KALRN: variants seen among roughly 807,000 people sequenced by gnomAD.
KALRN encodes kalirin RhoGEF kinase.
KALRN carries 70 observed loss-of-function variants against 353.7 expected under a neutral mutation model. The ratio of observed to expected loss-of-function variants is 0.20; its 90% CI spans 0.16 to 0.24. KALRN has a LOEUF of 0.24. Ranked by LOEUF, KALRN falls within the 10% of genes least tolerant of loss-of-function variation. The pLI is 1.00. For missense variants in KALRN, 2,791 were observed against 3,756.7 expected (o/e 0.74, Z 6.72); for synonymous variants, 1,391 against 1,434.8 (o/e 0.97, Z 0.69).
intron 1 of KALRN, chr3:124,163,989 C>T (rs1021107644): frequency 4.1e-6 from 4 of 985,328 alleles, no homozygotes; most frequent in Non-Finnish European, 4.8e-6. Flanking sequence ...TTCAGAGTAG[C>T]AAGAAGCATT....
intron 5 of KALRN, among the ~76,000 whole-genome samples, chr3:124,273,984 C>T (rs1192003688): frequency 6.6e-6 from 1 of 152,182 alleles, no homozygotes; most frequent in Non-Finnish European, 1.5e-5. Flanking sequence ...AAGGTGTCTG[C>T]CCTGCAAACA....
intron 11 of KALRN, among the ~76,000 whole-genome samples, chr3:124,389,668 C>A (rs978432358): frequency 1.3e-5 from 2 of 151,986 alleles, no homozygotes; most frequent in Non-Finnish European, 2.9e-5. Flanking sequence ...ATCACATTGC[C>A]GAAGATTATT....
chr3:124,385,185 G>T, intron 11 of KALRN, 149 bp downstream of exon 11: 1 of 606,782 alleles, frequency 1.6e-6, no homozygotes, highest in Non-Finnish European at 2.7e-6. Context: ...ATTCATTCCT[G>T]ATAGCCTGCA....
chr3:124,596,518 C>T (rs2076283887), intron 34 of KALRN, among the ~76,000 whole-genome samples: 1 of 152,174 alleles, frequency 6.6e-6, no homozygotes, highest in Non-Finnish European at 1.5e-5. Context: ...ATCATATCAA[C>T]ATACAATCAA....
intron 6 of KALRN, among the ~76,000 whole-genome samples, chr3:124,308,697 T>C (rs2077946778): frequency 6.6e-6 from 1 of 151,862 alleles, no homozygotes; most frequent in African/African-American, 2.4e-5. Context: ...ATAGTTGTAA[T>C]GCCTATCTTA....
chr3:124,221,432 C>G (rs537186672), intron 1 of KALRN, among the ~76,000 whole-genome samples: 1 of 152,292 alleles, frequency 6.6e-6, no homozygotes, highest in African/African-American at 2.4e-5. Context: ...AGGAATACTA[C>G]ATGGTCCCTA....
chr3:124,559,126 A>G (rs1031256794), intron 33 of KALRN, among the ~76,000 whole-genome samples: 2 of 152,268 alleles, frequency 1.3e-5, no homozygotes, highest in African/African-American at 4.8e-5. Flanking sequence ...TCCCTTATGT[A>G]TGTAGCGGTC....
At chr3:124,147,973 G>A (rs1304085904) in intron 1 of KALRN, among the ~76,000 whole-genome samples, 1 of 152,216 alleles carries the variant, frequency 6.6e-6, no homozygotes, top group African/African-American at 2.4e-5. Flanking sequence ...CTTCCGTGTT[G>A]TGGGGCCTTT....
chr3:124,471,400 C>G (rs1326432873), intron 25 of KALRN, among the ~76,000 whole-genome samples: 2 of 151,832 alleles, frequency 1.3e-5, no homozygotes, highest in Non-Finnish European at 2.9e-5. Context: ...ATTCTCCTGC[C>G]TCAGCCTCCT....
At chr3:124,447,691 G>A (rs966431699) in intron 21 of KALRN, among the ~76,000 whole-genome samples, 5 of 152,116 alleles carry the variant, frequency 3.3e-5, no homozygotes, top group Non-Finnish European at 5.9e-5. Flanking sequence ...CATCCTATCC[G>A]GAGATCCCTC....
At chr3:124,604,946 G>A (rs2077179210) in intron 34 of KALRN, among the ~76,000 whole-genome samples, 1 of 152,018 alleles carries the variant, frequency 6.6e-6, no homozygotes, top group African/African-American at 2.4e-5. Context: ...GCCTAAGCCA[G>A]GGGTTCCAAA....
intron 6 of KALRN, among the ~76,000 whole-genome samples, chr3:124,318,285 G>A (rs905854261): frequency 6.6e-6 from 1 of 152,310 alleles, no homozygotes; most frequent in African/African-American, 2.4e-5. Context: ...GACCTGATCA[G>A]ATAGTCATCA....
intron 15 of KALRN, among the ~76,000 whole-genome samples, chr3:124,424,118 C>T (rs928002137): frequency 6.6e-5 from 10 of 152,108 alleles, no homozygotes; most frequent in South Asian, 4.1e-4. Context: ...CATGGTCACC[C>T]TGAGGAGAGA....
At chr3:124,275,185 A>G (rs1382827102) in intron 5 of KALRN, among the ~76,000 whole-genome samples, 1 of 152,206 alleles carries the variant, frequency 6.6e-6, no homozygotes, top group Admixed American at 6.5e-5. Flanking sequence ...TGGTGGTGGT[A>G]GCTTTGGAGG....
chr3:124,334,984 G>C lies in KALRN; in HGVS notation c.1647+489G>C, dbSNP rs746839568. On this transcript the variant is annotated intron_variant, in intron 9 of 59. Coordinates refer to ENST00000682506, the MANE Select transcript of KALRN (RefSeq NM_001388419.1). The surrounding 1 kb of genome is among the most constrained non-coding windows in gnomAD (Gnocchi z 4.2). ...TAATTTTTGTATTTTTGGTGGAGAC[G>C]GGGTTTCACCATGTTGACCAGGCTG... Among the ~76,000 whole-genome samples, 2 of 152,102 alleles carry C rather than the reference G, an allele frequency of 1.3e-5. No homozygotes were observed. The highest frequency in any genetic ancestry group is 2.9e-5 in the Non-Finnish European group (2 of 68,020).
At chr3:124,462,664 A>C in intron 25 of KALRN, 31 bp downstream of exon 25, 1 of 1,293,416 alleles carries the variant, frequency 7.7e-7, no homozygotes. Flanking sequence ...AGAGGTGCAC[A>C]CTTAGGCCGT....
chr3:124,508,526 T>C (rs1173598613), intron 33 of KALRN, among the ~76,000 whole-genome samples: 1 of 152,200 alleles, frequency 6.6e-6, no homozygotes, highest in African/African-American at 2.4e-5. Context: ...CATCATTATA[T>C]AGTATTCCAT....
intron 1 of KALRN, among the ~76,000 whole-genome samples, chr3:124,144,364 G>C (rs1467964497): frequency 6.6e-6 from 1 of 152,168 alleles, no homozygotes; most frequent in African/African-American, 2.4e-5. Flanking sequence ...TGCTCCTTAG[G>C]AAGGGGTAGT....
At chr3:124,706,423 G>T (rs758902006) in intron 57 of KALRN, among the ~76,000 whole-genome samples, 7 of 152,158 alleles carry the variant, frequency 4.6e-5, no homozygotes, top group Non-Finnish European at 1.0e-4. Context: ...CTCTTTCTCT[G>T]GGAACTCTAA....
Sources: allele counts gnomAD v4.1 joint callset (sites outside exome capture counted in the v4.1 genomes callset), GRCh38; gene constraint gnomAD v4.1.1; non-coding constraint Gnocchi (gnomAD v3.1); transcripts MANE v1.5; gene names NCBI Gene and HGNC (gene_info 2026-07-23, HGNC 2026-07-21).